Variants in SLC10A2 observed in about 807,000 individuals in gnomAD.
SLC10A2 encodes the protein solute carrier family 10 member 2, also known as ileal sodium/bile acid cotransporter.
In SLC10A2, 34 loss-of-function variants were observed where a neutral mutation model predicts 27.1. That is an observed-to-expected ratio of 1.26 (90% CI 0.96 to 1.67). SLC10A2 has a LOEUF of 1.67. Among genes scored for constraint, SLC10A2 ranks in the 40% most tolerant of loss-of-function variants. The pLI, the probability that SLC10A2 is intolerant of heterozygous loss-of-function variation, is 0.00. For missense variants in SLC10A2, 530 were observed against 444.4 expected, an observed-to-expected ratio of 1.19 and a Z score of -1.73; for synonymous variants, 205 against 174.0, an observed-to-expected ratio of 1.18 and a Z score of -1.40.
rs774380566 is a variant in SLC10A2, at chr13:103,066,198, A to G, written c.52T>C (p.Ser18Pro). ...VDNATVCSGA[S>P]CVVPESNFNN... is the part of the protein sequence containing the mutation. ...AAATTGCTCTCAGGTACCACACAGG[A>G]TGCACCAGAGCAAACTGTTGCATTG... is the stretch of plus-strand genomic sequence containing the variant. The change falls in exon 1 of 6, where the codon TCC becomes CCC. Residue 18 changes from serine to proline, a missense_variant. Physicochemically the swap from Ser to Pro is moderately conservative, Grantham distance 74. Coordinates refer to ENST00000245312, the MANE Select transcript of SLC10A2 (RefSeq NM_000452.3). 4 of 1,614,008 alleles carry G rather than the reference A, an allele frequency of 2.5e-6. No homozygotes were observed. Among genetic ancestry groups the G allele is most frequent in the Non-Finnish European group, 3.4e-6 (4 of 1,179,972 alleles).
At chr13:103,061,102 G>T in intron 1 of SLC10A2, among the ~76,000 whole-genome samples, 1 of 152,122 alleles carries the variant, frequency 6.6e-6, no homozygotes, top group East Asian at 1.9e-4. Flanking sequence ...TTTTAGTAGA[G>T]CTAAAATATT....
In SLC10A2 at chr13:103,052,042, C is replaced by G. The variant is rs182397865; in HGVS notation, c.585+578G>C. 2.9e-3 allele frequency among the ~76,000 whole-genome samples: 443 copies of G among 152,268 alleles called. 3 individuals are homozygous for G. The highest frequency in any genetic ancestry group is 0.01 in the African/African-American group (429 of 41,526). On this transcript the variant is annotated intron_variant, in intron 3 of 5. Coordinates refer to ENST00000245312, the MANE Select transcript of SLC10A2 (RefSeq NM_000452.3). ...TACAATGGACTTACTTTGCCCCGAG[C>G]AGCAGAATCTATCTATATTATCTAC...
At chr13:103,053,111 T>A (rs1875837779) in intron 2 of SLC10A2, among the ~76,000 whole-genome samples, 3 of 141,348 alleles carry the variant, frequency 2.1e-5, no homozygotes, top group Non-Finnish European at 4.5e-5. Flanking sequence ...TGTGTGTGTG[T>A]GTGTGTGTGT....
chr13:103,061,871 C>A (rs1055837363), intron 1 of SLC10A2, among the ~76,000 whole-genome samples: 22 of 151,696 alleles, frequency 1.5e-4, no homozygotes, highest in African/African-American at 5.1e-4. Flanking sequence ...AATATAGAAG[C>A]CTAAATTAGC....
intron 5 of SLC10A2, among the ~76,000 whole-genome samples, chr13:103,048,198 G>T (rs1163737220): frequency 6.6e-6 from 1 of 151,868 alleles, no homozygotes; most frequent in Non-Finnish European, 1.5e-5. Flanking sequence ...CTCATGATCT[G>T]CCCGCCTCGG....
intron 1 of SLC10A2, 111 bp from the exon 2 acceptor site, chr13:103,058,493 C>T (rs773684897): frequency 4.2e-6 from 3 of 718,658 alleles, no homozygotes; most frequent in Non-Finnish European, 7.5e-6. Flanking sequence ...GGTATATGTG[C>T]ATGTTTGTTA....
At chr13:103,057,535 C>G (rs1032174743) in intron 2 of SLC10A2, among the ~76,000 whole-genome samples, 2 of 152,146 alleles carry the variant, frequency 1.3e-5, no homozygotes, top group African/African-American at 4.8e-5. Flanking sequence ...TCTGTTGTAA[C>G]ACTCTGGATT....
At chr13:103,048,752 T>C (rs1349017378) in intron 5 of SLC10A2, among the ~76,000 whole-genome samples, 1 of 152,198 alleles carries the variant, frequency 6.6e-6, no homozygotes, top group Non-Finnish European at 1.5e-5. Context: ...AAACTACACC[T>C]AGTACTTTAC....
intron 2 of SLC10A2, among the ~76,000 whole-genome samples, chr13:103,053,521 A>T (rs9554932): frequency 0.48 from 72,332 of 152,088 alleles, 18,461 homozygotes; most frequent in South Asian, 0.58. Context: ...CCAATAGCTG[A>T]TTTCATATAA....
Position 103,061,097 on chromosome 13 carries a change from G to C in SLC10A2, c.378-2715C>G, listed in dbSNP as rs544658366. Among the ~76,000 whole-genome samples the C allele has an allele frequency of 1.2e-4, 18 of 152,232 alleles. No homozygotes were observed. The South Asian group carries it at 3.7e-3, about 32-fold the overall frequency. On this transcript the variant is annotated intron_variant, in intron 1 of 5. Coordinates refer to ENST00000245312, the MANE Select transcript of SLC10A2 (RefSeq NM_000452.3). ...AATTTAGATAAAAATACTTGTTTTA[G>C]TAGAGCTAAAATATTACAACAGTAA...
Position 103,058,394 on chromosome 13 carries a change from TG to T in SLC10A2, c.378-13del. The T allele has an allele frequency of 6.7e-7, 1 of 1,488,048 alleles. No individual in the cohort carries two copies. Among genetic ancestry groups the T allele is most frequent in the Non-Finnish European group, 9.4e-7 (1 of 1,065,504 alleles). 92.2% of individuals were successfully genotyped at this position (1,488,048 alleles called of 1,614,324 possible). ...TGGTCATGCTGACGCTGAAAGGCAATGGGCAGATTGATACATCCACCTGTGG... is the reference window on the plus strand; with the variant it reads ...TGGTCATGCTGACGCTGAAAGGCAATGGCAGATTGATACATCCACCTGTGG... On this transcript the variant is annotated splice_polypyrimidine_tract_variant and intron_variant, in intron 1 of 5. Coordinates refer to ENST00000245312, the MANE Select transcript of SLC10A2 (RefSeq NM_000452.3).
At chr13:103,052,804 A>G (rs1367018834) in intron 2 of SLC10A2, 96 bp from the exon 3 acceptor site, 4 of 778,238 alleles carry the variant, frequency 5.1e-6, no homozygotes. Flanking sequence ...ATTAGGTGGT[A>G]TTTCAGTCTT....
Position 103,066,267 on chromosome 13 carries a change from G to C in SLC10A2, c.-18C>G. The C allele has an allele frequency of 1.3e-6, 2 of 1,588,428 alleles. No individual in the cohort carries two copies. The highest frequency in any genetic ancestry group is 1.7e-6 in the Non-Finnish European group (2 of 1,164,628). On this transcript the variant is annotated 5_prime_UTR_variant, in exon 1 of 6. Transcript: ENST00000245312. ...TCATTCATTGCTGGGTCTGCTGCTG[G>C]AAAGGCCAAGTCCACAGAAGCGCTG...
intron 4 of SLC10A2, among the ~76,000 whole-genome samples, chr13:103,049,997 A>G (rs1875728106): frequency 6.6e-6 from 1 of 151,702 alleles, no homozygotes; most frequent in East Asian, 1.9e-4. Flanking sequence ...ACAACAAAAC[A>G]AAACAAAAAA....
intron 4 of SLC10A2, among the ~76,000 whole-genome samples, chr13:103,050,411 T>C (rs998305610): frequency 6.6e-6 from 1 of 152,198 alleles, no homozygotes; most frequent in Non-Finnish European, 1.5e-5. Context: ...TCTCTGCCTG[T>C]GGATTCGATG....
chr13:103,064,924 A>T (rs1173208594), intron 1 of SLC10A2, among the ~76,000 whole-genome samples: 1 of 152,214 alleles, frequency 6.6e-6, no homozygotes, highest in African/African-American at 2.4e-5. Flanking sequence ...TCCAGTGTTT[A>T]CAATTCTACA....
At chr13:103,049,563 A>G (rs1875714059) in intron 4 of SLC10A2, 117 bp from the exon 5 acceptor site, 15 of 1,002,898 alleles carry the variant, frequency 1.5e-5, no homozygotes, top group Non-Finnish European at 2.3e-5. Context: ...TAATGCATGT[A>G]TTTAAGATAG....
At chr13:103,052,322 A>C (rs1057146303) in intron 3 of SLC10A2, among the ~76,000 whole-genome samples, 1 of 152,128 alleles carries the variant, frequency 6.6e-6, no homozygotes, top group African/African-American at 2.4e-5. Flanking sequence ...TGTGACTGCA[A>C]TAAAGAAGGG....
chr13:103,062,447 T>C (rs1876151342), intron 1 of SLC10A2, among the ~76,000 whole-genome samples: 1 of 152,232 alleles, frequency 6.6e-6, no homozygotes, highest in Non-Finnish European at 1.5e-5. Context: ...CAACTTATTT[T>C]GAGTACTTAG....
Sources: gnomAD v4.1 joint callset for allele counts (sites outside exome capture counted in the v4.1 genomes callset) on GRCh38, gnomAD v4.1.1 for gene constraint, MANE v1.5 for transcripts, NCBI Gene and HGNC (gene_info 2026-07-23, HGNC 2026-07-21) for gene names.